Variants in DYNC2H1 observed in about 807,000 individuals in gnomAD.
DYNC2H1 encodes the protein cytoplasmic dynein 2 heavy chain 1.
In DYNC2H1, 410 loss-of-function variants were observed where a neutral mutation model predicts 570.0. The observed-to-expected ratio is 0.72, with a 90% CI of 0.66 to 0.78. The LOEUF (loss-of-function observed/expected upper bound fraction) is 0.78. DYNC2H1 is among the 30% of genes least tolerant of loss of function. The pLI is 0.00. For missense variants in DYNC2H1, 4,865 were observed against 5,046.4 expected (o/e 0.96, Z 1.09); for synonymous variants, 1,688 against 1,677.6 (o/e 1.01, Z -0.15).
At chr11:103,160,849 T>C in intron 28 of DYNC2H1, 83 bp from the exon 29 acceptor site, 1 of 683,950 alleles carries the variant, frequency 1.5e-6, no homozygotes, top group Non-Finnish European at 2.4e-6. Flanking sequence ...TTAGGGTATA[T>C]ATTAACACTA....
chr11:103,121,543 T>G, intron 10 of DYNC2H1, 47 bp downstream of exon 10: 1 of 1,585,092 alleles, frequency 6.3e-7, no homozygotes, highest in Non-Finnish European at 8.6e-7. Flanking sequence ...TAAAATCTGC[T>G]AAATTAAGGC....
At chr11:103,142,403 C>T (rs868708508) in intron 17 of DYNC2H1, among the ~76,000 whole-genome samples, 9 of 152,028 alleles carry the variant, frequency 5.9e-5, no homozygotes, top group East Asian at 1.9e-4. Flanking sequence ...GGCGTGGTGG[C>T]TCATGCCTGT....
intron 83 of DYNC2H1, among the ~76,000 whole-genome samples, chr11:103,360,935 A>G (rs1940605862): frequency 1.3e-5 from 2 of 152,194 alleles, no homozygotes; most frequent in South Asian, 4.1e-4. Flanking sequence ...GTGAAATGGA[A>G]TCCAAGATAT....
At chr11:103,210,271 A>G (rs1465642027) in intron 53 of DYNC2H1, among the ~76,000 whole-genome samples, 1 of 151,916 alleles carries the variant, frequency 6.6e-6, no homozygotes, top group African/African-American at 2.4e-5. Flanking sequence ...AGCAACCTAA[A>G]CTTTTCATAT....
At position 103,293,970 on chromosome 11, in the gene DYNC2H1, G is replaced by A. The variant is rs369280428; in HGVS notation, c.11095+6365G>A. Reference sequence around the variant, plus strand: ...CAGGCGCCTCTAATCCCAGCTACTTGGGAGGCTGAGGCAGGAGAATTGCTT... The same window carrying A: ...CAGGCGCCTCTAATCCCAGCTACTTAGGAGGCTGAGGCAGGAGAATTGCTT... On this transcript the variant is annotated intron_variant, in intron 75 of 88. Transcript: ENST00000375735. Among the ~76,000 whole-genome samples the A allele has an allele frequency of 5.3e-5, 8 of 152,194 alleles. No individual in the cohort carries two copies. The East Asian group carries it at 1.6e-3, about 30-fold the overall frequency.
In DYNC2H1 at chr11:103,461,136, G is replaced by A. The variant is rs1336718055; in HGVS notation, c.12648+4780G>A. Among the ~76,000 whole-genome samples, 2 of 152,110 alleles carry A rather than the reference G, an allele frequency of 1.3e-5. No homozygotes were observed. Among genetic ancestry groups the A allele is most frequent in the African/African-American group, 4.8e-5 (2 of 41,420 alleles). On this transcript the variant is annotated intron_variant, in intron 87 of 88. Coordinates refer to ENST00000375735, the MANE Select transcript of DYNC2H1 (RefSeq NM_001377.3). This position sits in a 1 kb window ranked among gnomAD's most constrained non-coding sequence, Gnocchi z 4.8. ...TGCAGTTTCCAATAATGTTACCAGG[G>A]AAGAAGTCTTTGTAAGGCTTTCACT...
intron 38 of DYNC2H1, among the ~76,000 whole-genome samples, chr11:103,178,624 A>G (rs1412300695): frequency 2.0e-5 from 3 of 152,032 alleles, no homozygotes; most frequent in Admixed American, 2.0e-4. Context: ...ACCTTTTTAT[A>G]TGTCAAGAAA....
chr11:103,443,106 G>A (rs1328555547), intron 85 of DYNC2H1, among the ~76,000 whole-genome samples: 1 of 151,750 alleles, frequency 6.6e-6, no homozygotes, highest in Non-Finnish European at 1.5e-5. Context: ...ATGATTGACA[G>A]TTTTTCTGCT....
chr11:103,363,000 C>T (rs1449564944), intron 83 of DYNC2H1, among the ~76,000 whole-genome samples: 1 of 152,004 alleles, frequency 6.6e-6, no homozygotes, highest in Non-Finnish European at 1.5e-5. Context: ...CACTGCACTC[C>T]AGCCTGGGCG....
At position 103,113,725 on chromosome 11, in the gene DYNC2H1, C is replaced by A. The variant is rs367826430; in HGVS notation, c.366+18C>A. 2.7e-6 allele frequency: 4 copies of A among 1,487,140 alleles called. No homozygotes were observed. Among genetic ancestry groups the A allele is most frequent in the South Asian group, 3.0e-5 (2 of 66,998 alleles). The allele number at this position is 1,487,140 out of a possible 1,614,324, so 92.1% of individuals were successfully genotyped here. ...TGTTAAAGGTGAGAAAAGAAGCTGT[C>A]ATTTTTTTTAACTGAGGTATTTGGA... On this transcript the variant is annotated intron_variant, in intron 2 of 88. Coordinates refer to ENST00000375735, the MANE Select transcript of DYNC2H1 (RefSeq NM_001377.3).
rs373880026 is a variant in DYNC2H1, at chr11:103,186,297, A to G, written c.6689A>G (p.Tyr2230Cys). 9 of 1,612,396 alleles carry G rather than the reference A, an allele frequency of 5.6e-6. No homozygotes were observed. The African/African-American group carries it at 9.4e-5, about 17-fold the overall frequency. ...PPDFHKPMDT[Y>C]YDSTRGRLAT... ...GACTTTCACAAACCTATGGATACCT[A>G]CTATGACTCTACTAGGGGTCGATTA... Residue 2230 changes from tyrosine (Y) to cysteine (C), a missense_variant, in exon 42 of 89, where the codon TAC (tyrosine) becomes TGC (cysteine). Tyr to Cys is a radical substitution (Grantham distance 194). Around this residue, in one of 5 missense-constraint regions of DYNC2H1, gnomAD observed 2,401 missense variants for 2,454.6 expected, o/e 0.98. Coordinates refer to ENST00000375735, the MANE Select transcript of DYNC2H1 (RefSeq NM_001377.3). The surrounding 1 kb of genome is among the most constrained non-coding windows in gnomAD (Gnocchi z 4.5).
At chr11:103,345,872 G>A (rs3847583) in intron 82 of DYNC2H1, among the ~76,000 whole-genome samples, 32,886 of 152,140 alleles carry the variant, frequency 0.22, 3,696 homozygotes, top group Admixed American at 0.31. Flanking sequence ...ATGGTAGCAG[G>A]TTTGGGGAGG....
intron 72 of DYNC2H1, 77 bp from the exon 73 acceptor site, chr11:103,282,931 A>G: frequency 1.9e-6 from 2 of 1,048,926 alleles, no homozygotes; most frequent in Non-Finnish European, 1.4e-6. Flanking sequence ...AAAATAATAA[A>G]ATAGCTAATC....
chr11:103,131,038 T>C (rs1266026506), intron 13 of DYNC2H1, among the ~76,000 whole-genome samples: 4 of 152,192 alleles, frequency 2.6e-5, no homozygotes, highest in African/African-American at 7.2e-5. Flanking sequence ...ATTCATCAGC[T>C]ATTTATTGAG....
At chr11:103,464,080 A>G (rs1945110629) in intron 87 of DYNC2H1, among the ~76,000 whole-genome samples, 1 of 152,228 alleles carries the variant, frequency 6.6e-6, no homozygotes, top group South Asian at 2.1e-4. Context: ...GAAAACTAAC[A>G]AAATCATTCA....
chr11:103,333,577 C>T (rs141312135), intron 82 of DYNC2H1, among the ~76,000 whole-genome samples: 4 of 152,296 alleles, frequency 2.6e-5, no homozygotes, highest in African/African-American at 9.6e-5. Context: ...CATTGAAACT[C>T]AGTTCTACTA....
chr11:103,271,367 A>C (rs1393866531), intron 70 of DYNC2H1, among the ~76,000 whole-genome samples: 1 of 152,220 alleles, frequency 6.6e-6, no homozygotes, highest in African/African-American at 2.4e-5. Context: ...ATTCATGAAA[A>C]TGAGTGATTT....
At chr11:103,188,255 T>C (rs1420382241) in intron 43 of DYNC2H1, among the ~76,000 whole-genome samples, 2 of 152,070 alleles carry the variant, frequency 1.3e-5, no homozygotes, top group African/African-American at 2.4e-5. Flanking sequence ...TTTTAGTGTT[T>C]ATTAGAGAGA....
intron 88 of DYNC2H1, among the ~76,000 whole-genome samples, chr11:103,476,752 G>C (rs1945562578): frequency 6.6e-6 from 1 of 151,892 alleles, no homozygotes; most frequent in African/African-American, 2.4e-5. Context: ...TGTGTGGGCG[G>C]CGGAGGGAGA....
Sources: allele counts gnomAD v4.1 joint callset (sites outside exome capture counted in the v4.1 genomes callset), GRCh38; gene constraint gnomAD v4.1.1; regional missense constraint gnomAD v4.1.1; non-coding constraint Gnocchi (gnomAD v3.1); transcripts MANE v1.5; gene names NCBI Gene and HGNC (gene_info 2026-07-23, HGNC 2026-07-21).